Variants in SHROOM3 observed in about 807,000 individuals in gnomAD.
SHROOM3 encodes shroom family member 3, also known as protein Shroom3.
A neutral mutation model predicts 138.6 loss-of-function variants in SHROOM3; 47 were observed. The ratio of observed to expected loss-of-function variants is 0.34; its 90% confidence interval spans 0.27 to 0.43. The LOEUF (loss-of-function observed/expected upper bound fraction) is 0.43. Ranked by LOEUF, SHROOM3 falls within the 20% of genes least tolerant of loss-of-function variation. The probability of loss-of-function intolerance (pLI) is 1.00; values close to 1 mark genes in which losing one functional copy is unlikely to be tolerated. For missense variants in SHROOM3, 2,491 were observed against 2,596.5 expected (o/e 0.96, Z 0.88); for synonymous variants, 1,062 against 1,063.3 (o/e 1.00, Z 0.02).
At chr4:76,568,876 G>T (rs141663804) in intron 2 of SHROOM3, among the ~76,000 whole-genome samples, 3 of 152,184 alleles carry the variant, frequency 2.0e-5, no homozygotes, top group Non-Finnish European at 4.4e-5. Flanking sequence ...AACCCTGCCC[G>T]TTCTGTGAGA....
chr4:76,728,014 A>G (rs1251992655), intron 3 of SHROOM3, among the ~76,000 whole-genome samples: 3 of 151,946 alleles, frequency 2.0e-5, no homozygotes, highest in African/African-American at 7.3e-5. Context: ...AATGCAAGAA[A>G]AATAATAATT....
intron 1 of SHROOM3, among the ~76,000 whole-genome samples, chr4:76,471,291 T>G (rs1731365945): frequency 6.6e-6 from 1 of 151,344 alleles, no homozygotes; most frequent in African/African-American, 2.4e-5. Context: ...TCGCCCAGGC[T>G]GGAGTGCAGT....
At chr4:76,632,222 G>A (rs1735345941) in intron 2 of SHROOM3, among the ~76,000 whole-genome samples, 1 of 152,204 alleles carries the variant, frequency 6.6e-6, no homozygotes, top group Non-Finnish European at 1.5e-5. Flanking sequence ...GAGAGAGCCA[G>A]AGAGAGAAAG....
At chr4:76,529,814 A>G (rs1009046673) in intron 1 of SHROOM3, among the ~76,000 whole-genome samples, 1 of 152,194 alleles carries the variant, frequency 6.6e-6, no homozygotes, top group Non-Finnish European at 1.5e-5. Flanking sequence ...AAAAATCGTC[A>G]CTGTCTAGTC....
intron 2 of SHROOM3, among the ~76,000 whole-genome samples, chr4:76,601,116 A>G (rs1734496191): frequency 6.6e-6 from 1 of 152,246 alleles, no homozygotes; most frequent in Non-Finnish European, 1.5e-5. Context: ...GTTTAAAATT[A>G]GCCACCCATA....
At chr4:76,441,086 GTTTTTTTTTT>G in intron 1 of SHROOM3, among the ~76,000 whole-genome samples, 1 of 82,182 alleles carries the variant, frequency 1.2e-5, no homozygotes, top group South Asian at 5.7e-4. Flanking sequence ...AGTTCAATTT[GTTTTTTTTTT>G]TTTTTTTTTT....
intron 2 of SHROOM3, among the ~76,000 whole-genome samples, chr4:76,614,892 A>G (rs184815142): frequency 4.9e-4 from 74 of 152,328 alleles, no homozygotes; most frequent in Middle Eastern, 3.4e-3. Context: ...TGTCCTGAAT[A>G]AGGCATTTGA....
intron 1 of SHROOM3, among the ~76,000 whole-genome samples, chr4:76,537,073 A>G (rs1351973726): frequency 1.3e-5 from 2 of 152,314 alleles, no homozygotes; most frequent in East Asian, 3.9e-4. Flanking sequence ...AGATCGCACC[A>G]CTGTACTCCA....
At chr4:76,541,625 GCACA>G (rs149127524) in intron 1 of SHROOM3, among the ~76,000 whole-genome samples, 11 of 148,636 alleles carry the variant, frequency 7.4e-5, no homozygotes, top group East Asian at 6.0e-4. Context: ...ATATGTGGGC[GCACA>G]CACACACACA....
intron 4 of SHROOM3, among the ~76,000 whole-genome samples, chr4:76,736,843 T>C (rs1176328284): frequency 6.6e-6 from 1 of 152,186 alleles, no homozygotes; most frequent in African/African-American, 2.4e-5. Context: ...CCTGTCCCCA[T>C]ACATGCACAG....
chr4:76,746,393 AC>A (rs1721436047), intron 5 of SHROOM3, among the ~76,000 whole-genome samples: 1 of 152,194 alleles, frequency 6.6e-6, no homozygotes, highest in African/African-American at 2.4e-5. Flanking sequence ...AAAAATACAT[AC>A]CATTGTATTG....
At chr4:76,520,610 G>A (rs184335816) in intron 1 of SHROOM3, among the ~76,000 whole-genome samples, 124 of 152,200 alleles carry the variant, frequency 8.1e-4, no homozygotes, top group Non-Finnish European at 1.4e-3. Flanking sequence ...TCAGGCAATT[G>A]GGCTCCTGAG....
At chr4:76,496,050 T>C (rs2068063) in intron 1 of SHROOM3, among the ~76,000 whole-genome samples, 86,883 of 152,064 alleles carry the variant, frequency 0.57, 25,685 homozygotes, top group Non-Finnish European at 0.64. Context: ...ATGACCAAAA[T>C]ACAGGTAACA....
chr4:76,529,359 C>T (rs1042425649), intron 1 of SHROOM3, among the ~76,000 whole-genome samples: 1 of 151,888 alleles, frequency 6.6e-6, no homozygotes, highest in African/African-American at 2.4e-5. Context: ...CTCTGTTGCC[C>T]AGGCTGGAGT....
rs574106438 is a variant in SHROOM3, at chr4:76,601,795, C to T, written c.323+46032C>T. On this transcript the variant is annotated intron_variant, in intron 2 of 10. Transcript: ENST00000296043. The stretch of plus-strand genomic sequence containing the variant: ...GTGCTGGGATTACAGGTGTGAGCCA[C>T]GGCGCCCAGCCTTACTCCTCTACTT... Among the ~76,000 whole-genome samples, 105 of 152,356 alleles carry T rather than the reference C, an allele frequency of 6.9e-4. 1 individual carries two copies. Among genetic ancestry groups the T allele is most frequent in the Middle Eastern group, 6.8e-3 (2 of 294 alleles).
chr4:76,467,221 AT>A (rs1036130507), intron 1 of SHROOM3, among the ~76,000 whole-genome samples: 1 of 151,730 alleles, frequency 6.6e-6, no homozygotes, highest in Non-Finnish European at 1.5e-5. Flanking sequence ...TTTTTTAAAA[AT>A]TTTTGGTAGA....
At chr4:76,671,511 T>C (rs1377760935) in intron 2 of SHROOM3, among the ~76,000 whole-genome samples, 1 of 152,260 alleles carries the variant, frequency 6.6e-6, no homozygotes, top group Non-Finnish European at 1.5e-5. Flanking sequence ...TACTGGCATC[T>C]TCCCTTTCCT....
rs887190559 is a variant in SHROOM3 at position 76,548,303 on chromosome 4, G to A, written c.169-7306G>A. Among the ~76,000 whole-genome samples, 72 of 152,288 alleles carry A rather than the reference G, an allele frequency of 4.7e-4. 1 individual carries two copies. Among genetic ancestry groups the A allele is most frequent in the East Asian group, 3.9e-4 (2 of 5,168 alleles). ...AGCACGGCAGGGCCTTTGGTACAGA[G>A]GGAGGACTGCGGTTTCTCTTCTAAG... On this transcript the variant is annotated intron_variant, in intron 1 of 10. Transcript: ENST00000296043.
At chr4:76,763,910 C>A (rs944725897) in intron 9 of SHROOM3, among the ~76,000 whole-genome samples, 1 of 152,122 alleles carries the variant, frequency 6.6e-6, no homozygotes, top group African/African-American at 2.4e-5. Context: ...ATACAACAAG[C>A]TTTTCTAATG....
Sources: allele counts gnomAD v4.1 joint callset (sites outside exome capture counted in the v4.1 genomes callset), GRCh38; gene constraint gnomAD v4.1.1; transcripts MANE v1.5; gene names NCBI Gene and HGNC (gene_info 2026-07-23, HGNC 2026-07-21).